Variants in LMBR1 observed in about 807,000 individuals in gnomAD.
The protein encoded by LMBR1 is limb development membrane protein 1.
In LMBR1, 52 loss-of-function variants were observed where a neutral mutation model predicts 73.9. That is an observed-to-expected ratio of 0.70 (90% confidence interval 0.56 to 0.89). The LOEUF (loss-of-function observed/expected upper bound fraction) is 0.89. Ranked by LOEUF, LMBR1 falls within the 40% of genes least tolerant of loss-of-function variation. LMBR1 has a pLI of 0.00. For missense variants in LMBR1, 539 were observed against 579.8 expected (o/e 0.93, Z 0.72); for synonymous variants, 215 against 209.4 (o/e 1.03, Z -0.23).
At chr7:156,677,739 A>C (rs1015244117), downstream of LMBR1, 1 of 152,242 alleles carries the variant, frequency 6.6e-6, no homozygotes, top group African/African-American at 2.4e-5. Flanking sequence ...TTATATAGCT[A>C]CATATGTATG....
intron 4 of LMBR1, among the ~76,000 whole-genome samples, chr7:156,817,876 C>G (rs775580539): frequency 6.6e-6 from 1 of 151,988 alleles, no homozygotes; most frequent in Non-Finnish European, 1.5e-5. Context: ...CTCTGTATAT[C>G]AACAAATACC....
At chr7:156,811,337 C>T (rs1216952494) in intron 4 of LMBR1, among the ~76,000 whole-genome samples, 2 of 152,060 alleles carry the variant, frequency 1.3e-5, no homozygotes, top group South Asian at 2.1e-4. Flanking sequence ...CCTGGCCAGG[C>T]GCGGTGGCTC....
At chr7:156,791,266 A>T (rs776749052) in intron 5 of LMBR1, among the ~76,000 whole-genome samples, 1 of 152,152 alleles carries the variant, frequency 6.6e-6, no homozygotes, top group Non-Finnish European at 1.5e-5. Context: ...CGCATGTGCC[A>T]CTAACACTAA....
intron 1 of LMBR1, among the ~76,000 whole-genome samples, chr7:156,874,064 C>G (rs1172570343): frequency 6.6e-6 from 1 of 152,246 alleles, no homozygotes; most frequent in Non-Finnish European, 1.5e-5. Context: ...GGGTGGTGCT[C>G]GTCGGGGAGG....
intron 15 of LMBR1, among the ~76,000 whole-genome samples, chr7:156,694,940 T>TA (rs1324826688): frequency 6.6e-6 from 1 of 152,128 alleles, no homozygotes; most frequent in Non-Finnish European, 1.5e-5. Context: ...CAAGAGAAAG[T>TA]AAAAGACATG....
intron 6 of LMBR1, among the ~76,000 whole-genome samples, chr7:156,763,417 T>C (rs1029544851): frequency 7.2e-6 from 1 of 139,222 alleles, no homozygotes; most frequent in Admixed American, 7.7e-5. Context: ...CCACGGAATT[T>C]GAAGAACAGA....
chr7:156,706,856 A>C (rs1811040418), intron 15 of LMBR1, among the ~76,000 whole-genome samples: 1 of 151,942 alleles, frequency 6.6e-6, no homozygotes, highest in Non-Finnish European at 1.5e-5. Flanking sequence ...AAATCAGTAG[A>C]AGAAAAGAAA....
intron 5 of LMBR1, among the ~76,000 whole-genome samples, chr7:156,794,256 A>G (rs935426486): frequency 1.3e-5 from 2 of 152,254 alleles, no homozygotes; most frequent in African/African-American, 4.8e-5. Flanking sequence ...AAGATGTGCT[A>G]AGAAAAGAAT....
chr7:156,866,763 C>T (rs1798526996), intron 1 of LMBR1, among the ~76,000 whole-genome samples: 1 of 151,916 alleles, frequency 6.6e-6, no homozygotes, highest in South Asian at 2.1e-4. Flanking sequence ...GCCACTGCAC[C>T]CAGCTAAATT....
chr7:156,786,550 A>G (rs1828142977), intron 5 of LMBR1, among the ~76,000 whole-genome samples: 1 of 152,228 alleles, frequency 6.6e-6, no homozygotes, highest in Non-Finnish European at 1.5e-5. Context: ...TCAAGGACAA[A>G]GTAGCCAAAA....
rs527566104 is a variant in LMBR1 at position 156,795,344 on chromosome 7, C to T, written c.423+1045G>A. ...TACATCTGTCATTTCTCCCACTGTC[C>T]GACCCTTGAAGGCCAGAGGCCCATC... On this transcript the variant is annotated intron_variant, in intron 5 of 16. Coordinates refer to ENST00000353442, the MANE Select transcript of LMBR1 (RefSeq NM_022458.4). Among the ~76,000 whole-genome samples the T allele has an allele frequency of 1.2e-3, 176 of 152,236 alleles. 3 individuals carry two copies. The highest frequency in any genetic ancestry group is 2.0e-3 in the Admixed American group (31 of 15,290).
intron 9 of LMBR1, among the ~76,000 whole-genome samples, chr7:156,749,351 C>G (rs1030643244): frequency 6.6e-6 from 1 of 152,172 alleles, no homozygotes; most frequent in African/African-American, 2.4e-5. Flanking sequence ...CTGAAAATGT[C>G]TCTGACAGAC....
chr7:156,828,999 C>T (rs1836188338), intron 3 of LMBR1, among the ~76,000 whole-genome samples: 1 of 152,168 alleles, frequency 6.6e-6, no homozygotes. Flanking sequence ...TTAGACGCCC[C>T]TTTCCCTTTC....
intron 5 of LMBR1, among the ~76,000 whole-genome samples, chr7:156,781,321 A>G (rs999751352): frequency 1.3e-5 from 2 of 152,174 alleles, no homozygotes; most frequent in Non-Finnish European, 2.9e-5. Context: ...ATCCTTTATG[A>G]CAGTGAACAA....
chr7:156,679,980 G>A lies in LMBR1; in HGVS notation c.*4098C>T, dbSNP rs929687796. ...AGTTTATTGCCTAATATTCCTTCAA[G>A]ACATATGGATCAATCACCAAGTTTT... On this transcript the variant is annotated 3_prime_UTR_variant, in exon 17 of 17. Transcript: ENST00000353442. The A allele has an allele frequency of 4.6e-5, 7 of 152,110 alleles. No homozygotes were observed. The highest frequency in any genetic ancestry group is 1.0e-4 in the Non-Finnish European group (7 of 68,024). 9.4% of individuals were successfully genotyped at this position (152,110 alleles called of 1,614,324 possible). A position where few individuals can be genotyped will look rare whatever the true frequency, so the allele number is the denominator to read the frequency against.
chr7:156,806,087 T>C (rs559843974), intron 4 of LMBR1, among the ~76,000 whole-genome samples: 1 of 152,146 alleles, frequency 6.6e-6, no homozygotes, highest in Middle Eastern at 3.4e-3. Context: ...GGTATTGTTA[T>C]AGCAGCCCAA....
At position 156,669,735 on chromosome 7, in the gene LMBR1, G is replaced by A. The variant is rs889319015; in HGVS notation, n.867-448C>T. Among the ~76,000 whole-genome samples, 2 of 152,234 alleles carry A rather than the reference G, an allele frequency of 1.3e-5. No individual in the cohort carries two copies. The highest frequency in any genetic ancestry group is 2.9e-5 in the Non-Finnish European group (2 of 68,040). ...AGAGGGCAGGGCTGGGACTCCCAGG[G>A]AGAAGGGGCCATGGCTGGGCCCCTC... On this transcript the variant is annotated intron_variant and non_coding_transcript_variant, in intron 4 of 4. Coordinates refer to the LMBR1 transcript ENST00000430825. This position sits in a 1 kb window ranked among gnomAD's most constrained non-coding sequence, Gnocchi z 4.2.
intron 3 of LMBR1, among the ~76,000 whole-genome samples, chr7:156,827,657 T>C (rs1447275184): frequency 6.6e-6 from 1 of 152,136 alleles, no homozygotes; most frequent in Non-Finnish European, 1.5e-5. Context: ...GATATTAAAG[T>C]TCTATTAAAG....
chr7:156,798,217 A>C (rs1211891963), intron 4 of LMBR1, among the ~76,000 whole-genome samples: 2 of 152,228 alleles, frequency 1.3e-5, no homozygotes, highest in Non-Finnish European at 2.9e-5. Context: ...TAAGCATTAA[A>C]TAATGCACGT....
Sources: gnomAD v4.1 joint callset for allele counts (sites outside exome capture counted in the v4.1 genomes callset) on GRCh38, gnomAD v4.1.1 for gene constraint, Gnocchi (gnomAD v3.1) non-coding constraint, MANE v1.5 for transcripts, NCBI Gene and HGNC (gene_info 2026-07-23, HGNC 2026-07-21) for gene names.